Variants in AKT3 observed in about 807,000 individuals in gnomAD.
AKT3 encodes RAC-gamma serine/threonine-protein kinase.
In AKT3, 15 loss-of-function variants were observed where a neutral mutation model predicts 65.3. The observed-to-expected ratio is 0.23, with a 90% CI of 0.15 to 0.35. The LOEUF (loss-of-function observed/expected upper bound fraction) is 0.35, where lower values mean the gene tolerates loss of function less well. Ranked by LOEUF, AKT3 falls within the 10% of genes least tolerant of loss-of-function variation. The pLI is 1.00. For synonymous variants in AKT3, 206 were observed against 183.8 expected, an observed-to-expected ratio of 1.12 and a Z score of -0.98; for missense variants, 243 against 576.5, an observed-to-expected ratio of 0.42 and a Z score of 5.92.
At chr1:243,803,593 C>T (rs758092838) in intron 2 of AKT3, among the ~76,000 whole-genome samples, 9 of 150,884 alleles carry the variant, frequency 6.0e-5, no homozygotes, top group Non-Finnish European at 1.2e-4. Flanking sequence ...GTGATTTCAA[C>T]ACAAGGCTTT....
At chr1:243,751,363 G>T (rs1009198697) in intron 2 of AKT3, among the ~76,000 whole-genome samples, 1 of 152,202 alleles carries the variant, frequency 6.6e-6, no homozygotes, top group Non-Finnish European at 1.5e-5. Flanking sequence ...CATGCCAAAC[G>T]CTTGGATTTA....
chr1:243,678,184 A>C (rs1453669968), intron 3 of AKT3, among the ~76,000 whole-genome samples: 1 of 152,160 alleles, frequency 6.6e-6, no homozygotes, highest in East Asian at 1.9e-4. Context: ...TTAAACTTTA[A>C]GGGGAAGGTA....
intron 2 of AKT3, among the ~76,000 whole-genome samples, chr1:243,798,393 ATTTTTTTTTTTT>A (rs759264137): frequency 1.2e-5 from 1 of 83,310 alleles, no homozygotes; most frequent in African/African-American, 4.8e-5. Flanking sequence ...CTAATTTTTA[ATTTTTTTTTTTT>A]TTTTTTTTTT....
At chr1:243,729,401 G>A (rs568682980) in intron 2 of AKT3, among the ~76,000 whole-genome samples, 5 of 152,080 alleles carry the variant, frequency 3.3e-5, no homozygotes, top group Non-Finnish European at 5.9e-5. Context: ...CAAAATACTA[G>A]TGAAAATAAG....
chr1:243,565,707 C>G (rs1195775702), intron 9 of AKT3, among the ~76,000 whole-genome samples: 1 of 152,116 alleles, frequency 6.6e-6, no homozygotes, highest in Non-Finnish European at 1.5e-5. Context: ...TGGTCTGTCT[C>G]TTCTCAGCCT....
chr1:243,626,143 G>A (rs1216100653), intron 6 of AKT3, among the ~76,000 whole-genome samples: 1 of 152,154 alleles, frequency 6.6e-6, no homozygotes, highest in East Asian at 1.9e-4. Flanking sequence ...TGATATAACT[G>A]CTGCAAAATC....
chr1:243,556,042 AATG>A (rs1232790251), intron 10 of AKT3, among the ~76,000 whole-genome samples: 7 of 152,168 alleles, frequency 4.6e-5, no homozygotes, highest in Admixed American at 1.3e-4. Context: ...ATTGTTAAAA[AATG>A]ATGAGAGGTC....
chr1:243,495,579 G>A (rs1423326440), downstream of AKT3, among the ~76,000 whole-genome samples: 6 of 152,212 alleles, frequency 3.9e-5, no homozygotes, highest in East Asian at 1.9e-4. Context: ...GGCCTGACCC[G>A]GAGGGGACGA....
At chr1:243,809,385 A>C (rs1443719078) in intron 2 of AKT3, among the ~76,000 whole-genome samples, 1 of 152,260 alleles carries the variant, frequency 6.6e-6, no homozygotes, top group Non-Finnish European at 1.5e-5. Flanking sequence ...CTGCAATCCT[A>C]GTCTCTGATA....
intron 6 of AKT3, among the ~76,000 whole-genome samples, chr1:243,631,558 G>C (rs1012790969): frequency 3.3e-5 from 5 of 152,136 alleles, no homozygotes; most frequent in African/African-American, 1.2e-4. Context: ...CAAAGTGCTG[G>C]GATTACAGAC....
At chr1:243,673,126 T>A (rs1488551729) in intron 3 of AKT3, among the ~76,000 whole-genome samples, 1 of 152,348 alleles carries the variant, frequency 6.6e-6, no homozygotes, top group Non-Finnish European at 1.5e-5. Context: ...ACATGAAATG[T>A]ACCATTTTAA....
intron 12 of AKT3, among the ~76,000 whole-genome samples, chr1:243,540,628 T>C (rs1672244066): frequency 6.6e-6 from 1 of 152,064 alleles, no homozygotes; most frequent in Non-Finnish European, 1.5e-5. Flanking sequence ...TTAACATCAG[T>C]GCAATACTAT....
At chr1:243,612,171 T>C (rs1331686306) in intron 8 of AKT3, among the ~76,000 whole-genome samples, 2 of 152,078 alleles carry the variant, frequency 1.3e-5, no homozygotes, top group African/African-American at 4.8e-5. Flanking sequence ...TGCAGTGGCA[T>C]GACCATGGCT....
intron 8 of AKT3, among the ~76,000 whole-genome samples, chr1:243,580,191 AGAG>A (rs1455005085): frequency 1.3e-5 from 2 of 152,164 alleles, no homozygotes; most frequent in Non-Finnish European, 2.9e-5. Context: ...CAGATCCCAG[AGAG>A]GAGAAGGCCA....
intron 8 of AKT3, among the ~76,000 whole-genome samples, chr1:243,609,323 C>G (rs1558650612): frequency 8.0e-6 from 1 of 124,734 alleles, no homozygotes; most frequent in Non-Finnish European, 1.7e-5. Context: ...ATATAAATAA[C>G]TTTTCATTTT....
intron 12 of AKT3, among the ~76,000 whole-genome samples, chr1:243,540,295 A>G (rs1672220252): frequency 1.3e-5 from 2 of 152,150 alleles, no homozygotes. Context: ...ACTTTGGAAA[A>G]TCAATGTTAA....
chr1:243,604,221 C>G (rs1276580399), intron 8 of AKT3, among the ~76,000 whole-genome samples: 1 of 152,108 alleles, frequency 6.6e-6, no homozygotes, highest in Non-Finnish European at 1.5e-5. Flanking sequence ...AAGTGAATTA[C>G]TGAAAACCTT....
chr1:243,518,559 A>C (rs763551773), intron 12 of AKT3, among the ~76,000 whole-genome samples: 5 of 152,108 alleles, frequency 3.3e-5, no homozygotes, highest in Non-Finnish European at 5.9e-5. Context: ...TGGGAGGTGG[A>C]GGTTGCAGTG....
chr1:243,527,195 C>A (rs1014552475), intron 12 of AKT3, among the ~76,000 whole-genome samples: 4 of 152,090 alleles, frequency 2.6e-5, no homozygotes, highest in Non-Finnish European at 5.9e-5. Context: ...TTCATTGAGG[C>A]CTCTCTGTGC....
Sources: allele counts gnomAD v4.1 joint callset (sites outside exome capture counted in the v4.1 genomes callset), GRCh38; gene constraint gnomAD v4.1.1; transcripts MANE v1.5; gene names NCBI Gene and HGNC (gene_info 2026-07-23, HGNC 2026-07-21).